SPPL3: variants seen among roughly 807,000 people sequenced by gnomAD.
SPPL3 encodes signal peptide peptidase-like 3.
SPPL3 carries 5 observed loss-of-function variants against 42.4 expected under a neutral mutation model. That is an observed-to-expected ratio of 0.12 (90% CI 0.06 to 0.25). The LOEUF is 0.25. Ranked by LOEUF, SPPL3 falls within the 10% of genes least tolerant of loss-of-function variation. The pLI is 1.00. For missense variants in SPPL3, 235 were observed against 489.0 expected (o/e 0.48, Z 4.90); for synonymous variants, 195 against 181.8 (o/e 1.07, Z -0.58).
chr12:120,826,854 A>G (rs868521811), intron 1 of SPPL3, among the ~76,000 whole-genome samples: 9 of 152,208 alleles, frequency 5.9e-5, no homozygotes, highest in Non-Finnish European at 1.2e-4. Flanking sequence ...TGAAACTAAA[A>G]TAACAATGAG....
chr12:120,836,297 C>A (rs1327224322), intron 1 of SPPL3, among the ~76,000 whole-genome samples: 1 of 152,088 alleles, frequency 6.6e-6, no homozygotes, highest in African/African-American at 2.4e-5. Flanking sequence ...AGAGATCTAG[C>A]AGGCTCCACT....
intron 1 of SPPL3, among the ~76,000 whole-genome samples, chr12:120,823,419 T>C (rs1009118595): frequency 1.3e-5 from 2 of 152,146 alleles, no homozygotes; most frequent in Admixed American, 1.3e-4. Context: ...TGTTACTTAA[T>C]CTAGTAACAC....
chr12:120,881,038 T>A (rs1176141216), intron 1 of SPPL3, among the ~76,000 whole-genome samples: 1 of 151,012 alleles, frequency 6.6e-6, no homozygotes, highest in African/African-American at 2.4e-5. Flanking sequence ...GGATGGCTAT[T>A]GAAAGAAAAC....
At chr12:120,856,534 G>C (rs1872465260) in intron 1 of SPPL3, among the ~76,000 whole-genome samples, 1 of 116,200 alleles carries the variant, frequency 8.6e-6, no homozygotes, top group South Asian at 2.6e-4. Flanking sequence ...TTTTGAGACA[G>C]AGCGAGACTC....
chr12:120,782,859 A>G, intron 5 of SPPL3, 92 bp from the exon 6 acceptor site: 1 of 899,570 alleles, frequency 1.1e-6, no homozygotes, highest in Non-Finnish European at 1.8e-6. Context: ...GGATTAGAAT[A>G]GCAGATAATA....
intron 1 of SPPL3, among the ~76,000 whole-genome samples, chr12:120,845,933 C>T (rs991894821): frequency 2.0e-5 from 3 of 151,658 alleles, no homozygotes; most frequent in African/African-American, 7.3e-5. Context: ...AGTCTTGCTC[C>T]GATGCCTAGG....
intron 6 of SPPL3, among the ~76,000 whole-genome samples, chr12:120,773,823 T>A (rs1167413074): frequency 6.6e-6 from 1 of 152,190 alleles, no homozygotes; most frequent in African/African-American, 2.4e-5. Context: ...AGGCTGGTCT[T>A]GAACTACTAA....
At chr12:120,767,885 T>C (rs950690809) in intron 8 of SPPL3, among the ~76,000 whole-genome samples, 13 of 152,346 alleles carry the variant, frequency 8.5e-5, no homozygotes, top group African/African-American at 2.6e-4. Flanking sequence ...CAATTCATCA[T>C]TTGTGACACA....
At chr12:120,782,535 G>T in intron 6 of SPPL3, 120 bp downstream of exon 6, 1 of 699,112 alleles carries the variant, frequency 1.4e-6, no homozygotes, top group Non-Finnish European at 2.4e-6. Context: ...TGGCGGGGGT[G>T]GGTGTGAAAA....
At chr12:120,822,843 C>T (rs1238204299) in intron 1 of SPPL3, among the ~76,000 whole-genome samples, 2 of 152,032 alleles carry the variant, frequency 1.3e-5, no homozygotes, top group Admixed American at 6.6e-5. Flanking sequence ...CTGTTACAAG[C>T]TCCAACTAGA....
chr12:120,842,620 T>C (rs183779557), intron 1 of SPPL3, among the ~76,000 whole-genome samples: 4 of 152,128 alleles, frequency 2.6e-5, no homozygotes, highest in African/African-American at 7.2e-5. Flanking sequence ...GGACTCACTC[T>C]GCTTCATCGA....
At position 120,763,365 on chromosome 12, in the gene SPPL3, G is replaced by A. The variant is rs1868742177; in HGVS notation, c.*1634C>T. The A allele has an allele frequency of 6.6e-6, 1 of 152,670 alleles. No homozygotes were observed. Among genetic ancestry groups the A allele is most frequent in the African/African-American group, 2.4e-5 (1 of 41,430 alleles). The allele number at this position is 152,670 out of a possible 1,614,324, so 9.5% of individuals were successfully genotyped here. ...CAGGATGGGTGCCCCCTGTGAGCTC[G>A]ATCCACAGTGACTTCAAGCCACAGT... On this transcript the variant is annotated 3_prime_UTR_variant, in exon 11 of 11. Transcript: ENST00000353487.
At chr12:120,802,475 C>A (rs1162525673) in intron 2 of SPPL3, among the ~76,000 whole-genome samples, 4 of 143,228 alleles carry the variant, frequency 2.8e-5, no homozygotes, top group African/African-American at 1.1e-4. Flanking sequence ...CAGTTTGTGG[C>A]CCAGGCTGGA....
At chr12:120,900,790 T>C (rs1192016079) in intron 1 of SPPL3, among the ~76,000 whole-genome samples, 1 of 151,868 alleles carries the variant, frequency 6.6e-6, no homozygotes, top group East Asian at 1.9e-4. Context: ...GACGTGGTTG[T>C]GCACGTCTGT....
chr12:120,780,244 G>A (rs765128967), intron 6 of SPPL3, among the ~76,000 whole-genome samples: 1 of 150,756 alleles, frequency 6.6e-6, no homozygotes, highest in South Asian at 2.1e-4. Flanking sequence ...AGGACTGCTT[G>A]AGGCCAGGAG....
chr12:120,840,038 T>A (rs1337096942), intron 1 of SPPL3, among the ~76,000 whole-genome samples: 1 of 151,940 alleles, frequency 6.6e-6, no homozygotes, highest in Non-Finnish European at 1.5e-5. Context: ...CCAGACACTT[T>A]GGGAGGCCGA....
chr12:120,855,422 T>C (rs1872418139), intron 1 of SPPL3, among the ~76,000 whole-genome samples: 1 of 152,170 alleles, frequency 6.6e-6, no homozygotes, highest in Admixed American at 6.5e-5. Flanking sequence ...GCGCTGTGGC[T>C]CAGGCCTGTA....
intron 1 of SPPL3, among the ~76,000 whole-genome samples, chr12:120,847,107 A>G (rs1428037433): frequency 6.6e-6 from 1 of 152,222 alleles, no homozygotes; most frequent in Admixed American, 6.5e-5. Context: ...TACCTGCACC[A>G]ATAGCCTCAA....
chr12:120,896,435 T>C (rs1048122360), intron 1 of SPPL3, among the ~76,000 whole-genome samples: 10 of 152,092 alleles, frequency 6.6e-5, no homozygotes, highest in Non-Finnish European at 1.0e-4. Flanking sequence ...AGAAGACAAG[T>C]ATTCTGCCTC....
Sources: allele counts gnomAD v4.1 joint callset (sites outside exome capture counted in the v4.1 genomes callset), GRCh38; gene constraint gnomAD v4.1.1; transcripts MANE v1.5; gene names NCBI Gene and HGNC (gene_info 2026-07-23, HGNC 2026-07-21).